RAB33A: variants seen among roughly 807,000 people sequenced by gnomAD.
The protein encoded by RAB33A is ras-related protein Rab-33A.
A neutral mutation model predicts 12.0 loss-of-function variants in RAB33A; 6 were observed. The observed-to-expected ratio is 0.50, with a 90% CI of 0.27 to 0.99. The LOEUF (loss-of-function observed/expected upper bound fraction) is 0.99. Ranked by LOEUF, RAB33A falls within the 50% of genes least tolerant of loss-of-function variation. RAB33A has a pLI of 0.11. For synonymous variants in RAB33A, 70 were observed against 82.4 expected, an observed-to-expected ratio of 0.85 and a Z score of 0.81; for missense variants, 109 against 192.0, an observed-to-expected ratio of 0.57 and a Z score of 2.55.
At position 130,184,853 on chromosome X, in the gene RAB33A, T is replaced by G; in HGVS notation, c.*113T>G. 1.5e-6 allele frequency: 1 copy of G among 685,521 alleles called. No homozygotes were observed. Among genetic ancestry groups the G allele is most frequent in the Non-Finnish European group, 2.1e-6 (1 of 470,031 alleles). 56.5% of individuals were successfully genotyped at this position (685,521 alleles called of 1,213,427 possible). ...GTTTCCATACAAATTGATATCAAAA[T>G]AAAATTTGTATAGATTATCACATGG... is the stretch of plus-strand genomic sequence containing the variant. On this transcript the variant is annotated 3_prime_UTR_variant, in exon 2 of 2. Coordinates refer to ENST00000257017, the MANE Select transcript of RAB33A (RefSeq NM_004794.3).
the RAB33A span, among the ~76,000 whole-genome samples, chrX:130,150,791 A>G: frequency 1.9e-5 from 2 of 104,165 alleles, no homozygotes; most frequent in Admixed American, 2.0e-4. Context: ...CCTGGCCAAC[A>G]TGGTGAAACC....
chrX:130,123,293 C>A, the RAB33A span, among the ~76,000 whole-genome samples: 627 of 112,183 alleles, frequency 5.6e-3, 2 homozygotes, highest in African/African-American at 0.02. Context: ...GGCAGCACTG[C>A]GGCTGAAATC....
At chrX:130,181,940 C>T (rs894753555) in intron 1 of RAB33A, among the ~76,000 whole-genome samples, 3 of 108,656 alleles carry the variant, frequency 2.8e-5, no homozygotes, top group African/African-American at 1.0e-4. Context: ...GAACAAGACT[C>T]TCATCTCAAA....
the RAB33A span, among the ~76,000 whole-genome samples, chrX:130,152,496 C>G: frequency 8.9e-6 from 1 of 112,106 alleles, no homozygotes; most frequent in Non-Finnish European, 1.9e-5. Flanking sequence ...GTGAAGACAA[C>G]TTTTCTAAAC....
chrX:130,132,427 A>G, the RAB33A span, among the ~76,000 whole-genome samples: 300 of 112,628 alleles, frequency 2.7e-3, no homozygotes, highest in Non-Finnish European at 4.7e-3. Flanking sequence ...GCTATTCACT[A>G]CTTTTGTCTT....
the RAB33A span, among the ~76,000 whole-genome samples, chrX:130,111,907 T>C: frequency 4.0e-4 from 45 of 111,595 alleles, 1 homozygote; most frequent in Non-Finnish European, 4.3e-4. Flanking sequence ...TTACTCTGTA[T>C]AGTTCCACGT....
At chrX:130,175,776 C>T (rs868566085) in intron 1 of RAB33A, among the ~76,000 whole-genome samples, 4 of 111,391 alleles carry the variant, frequency 3.6e-5, no homozygotes, top group East Asian at 2.8e-4. Flanking sequence ...GGATTACAGG[C>T]GGGAGCCCTG....
the RAB33A span, chrX:130,149,560 C>A: frequency 5.0e-6 from 6 of 1,194,545 alleles, no homozygotes; most frequent in African/African-American, 1.1e-4. Flanking sequence ...CTTTCATAGT[C>A]TTGTAGGCCT....
At chrX:130,134,062 C>A in the RAB33A span, among the ~76,000 whole-genome samples, 24 of 109,849 alleles carry the variant, frequency 2.2e-4, no homozygotes, top group Admixed American at 2.3e-3. Flanking sequence ...ATGGTGAAAC[C>A]CCATCTCTAC....
the RAB33A span, among the ~76,000 whole-genome samples, chrX:130,124,123 A>T: frequency 9.0e-6 from 1 of 111,598 alleles, no homozygotes; most frequent in East Asian, 2.8e-4. Context: ...CAACTGGAGA[A>T]GCAATGAAGT....
intron 1 of RAB33A, among the ~76,000 whole-genome samples, chrX:130,176,164 G>A: frequency 9.0e-6 from 1 of 111,520 alleles, no homozygotes; most frequent in African/African-American, 3.3e-5. Flanking sequence ...AGCCCCCAAA[G>A]GAAGAGTGGA....
upstream of RAB33A, chrX:130,171,506 C>G (rs1022334399): frequency 2.6e-5 from 3 of 115,727 alleles, no homozygotes; most frequent in Admixed American, 1.8e-4. Context: ...GCTCCCTGCC[C>G]GCTGACCCCG....
intron 1 of RAB33A, among the ~76,000 whole-genome samples, chrX:130,177,980 C>T (rs2031680033): frequency 9.0e-6 from 1 of 111,706 alleles, no homozygotes; most frequent in Non-Finnish European, 1.9e-5. Context: ...TGGCAGGGGC[C>T]AGGGGTTTAT....
At chrX:130,153,347 C>T in the RAB33A span, among the ~76,000 whole-genome samples, 1 of 73,500 alleles carries the variant, frequency 1.4e-5, no homozygotes, top group Non-Finnish European at 2.5e-5. Flanking sequence ...AGAGAGACTC[C>T]GTTTCAAAAA....
At chrX:130,182,428 C>T (rs911738927) in intron 1 of RAB33A, among the ~76,000 whole-genome samples, 16 of 109,473 alleles carry the variant, frequency 1.5e-4, no homozygotes, top group African/African-American at 5.0e-4. Context: ...TTATGTTTAA[C>T]GTTTCTTAAA....
chrX:130,167,709 C>G (rs1369558693), upstream of RAB33A, among the ~76,000 whole-genome samples: 2 of 112,457 alleles, frequency 1.8e-5, no homozygotes, highest in African/African-American at 6.5e-5. Flanking sequence ...TGCCACTGCA[C>G]TCCAGCCTGG....
the RAB33A span, among the ~76,000 whole-genome samples, chrX:130,147,115 T>C: frequency 4.5e-5 from 5 of 111,565 alleles, no homozygotes; most frequent in South Asian, 1.9e-3. Flanking sequence ...TGAGCTGAGA[T>C]TGCGCCACTG....
At chrX:130,145,885 T>G in the RAB33A span, among the ~76,000 whole-genome samples, 3 of 111,659 alleles carry the variant, frequency 2.7e-5, no homozygotes, top group East Asian at 8.4e-4. Flanking sequence ...CATCCTATGA[T>G]GCACTGGACA....
the RAB33A span, among the ~76,000 whole-genome samples, chrX:130,162,243 A>G: frequency 8.9e-6 from 1 of 112,180 alleles, no homozygotes; most frequent in Non-Finnish European, 1.9e-5. Context: ...ACAAATCACA[A>G]GAGACTCCAG....
Sources: gnomAD v4.1 joint callset for allele counts (sites outside exome capture counted in the v4.1 genomes callset) on GRCh38, gnomAD v4.1.1 for gene constraint, MANE v1.5 for transcripts, NCBI Gene and HGNC (gene_info 2026-07-23, HGNC 2026-07-21) for gene names.